Variants in CNOT6L observed in about 807,000 individuals in gnomAD.
CNOT6L encodes CCR4-NOT transcription complex subunit 6-like.
Under a neutral mutation model 64.0 loss-of-function variants are expected in CNOT6L, and 7 were observed. The observed-to-expected ratio is 0.11, with a 90% CI of 0.06 to 0.21. CNOT6L has a LOEUF of 0.21. CNOT6L is among the 10% of genes least tolerant of loss of function. The probability of loss-of-function intolerance (pLI) is 1.00; values close to 1 mark genes in which losing one functional copy is unlikely to be tolerated. For synonymous variants in CNOT6L, 193 were observed against 243.4 expected (o/e 0.79, Z 1.93); for missense variants, 245 against 669.0 (o/e 0.37, Z 6.99).
chr4:77,811,684 A>G (rs1439380604), intron 1 of CNOT6L, among the ~76,000 whole-genome samples: 2 of 152,050 alleles, frequency 1.3e-5, no homozygotes, highest in African/African-American at 2.4e-5. Context: ...TCTAATCCAC[A>G]TTTCACAATT....
At chr4:77,758,199 T>G (rs1725779915) in intron 4 of CNOT6L, among the ~76,000 whole-genome samples, 1 of 152,190 alleles carries the variant, frequency 6.6e-6, no homozygotes, top group South Asian at 2.1e-4. Flanking sequence ...TGCTGGCTAT[T>G]AAGGTGTATA....
intron 4 of CNOT6L, among the ~76,000 whole-genome samples, chr4:77,768,886 A>T (rs911743525): frequency 8.5e-5 from 13 of 152,138 alleles, no homozygotes; most frequent in African/African-American, 3.1e-4. Flanking sequence ...ACATTATGGT[A>T]TTGCCTAAAA....
At chr4:77,730,652 T>C (rs541608037) in intron 9 of CNOT6L, among the ~76,000 whole-genome samples, 4 of 152,162 alleles carry the variant, frequency 2.6e-5, no homozygotes, top group African/African-American at 4.8e-5. Flanking sequence ...AAGGAATAAA[T>C]TGAAGTATGG....
intron 1 of CNOT6L, among the ~76,000 whole-genome samples, chr4:77,812,267 A>G (rs1171692944): frequency 6.6e-6 from 1 of 151,652 alleles, no homozygotes; most frequent in African/African-American, 2.4e-5. Flanking sequence ...GTGAAACCCC[A>G]TCTCTACTAA....
At chr4:77,721,304 TAGC>T (rs1721251897) in intron 11 of CNOT6L, among the ~76,000 whole-genome samples, 1 of 152,208 alleles carries the variant, frequency 6.6e-6, no homozygotes, top group Non-Finnish European at 1.5e-5. Flanking sequence ...AAGCCATACA[TAGC>T]AGTTTTATCT....
At chr4:77,740,738 C>T (rs757298691) in intron 8 of CNOT6L, among the ~76,000 whole-genome samples, 6 of 152,124 alleles carry the variant, frequency 3.9e-5, no homozygotes, top group Non-Finnish European at 8.8e-5. Flanking sequence ...GACTACATGC[C>T]GATGGTAGTC....
intron 9 of CNOT6L, 69 bp downstream of exon 9, chr4:77,731,318 A>ACTTGTTT (rs1722424373): frequency 6.8e-7 from 1 of 1,470,794 alleles, no homozygotes; most frequent in Non-Finnish European, 9.3e-7. Context: ...AATTCTCTTC[A>ACTTGTTT]CTTGTTTTGA....
intron 4 of CNOT6L, among the ~76,000 whole-genome samples, chr4:77,767,375 C>CA (rs1025896299): frequency 2.0e-5 from 3 of 152,042 alleles, no homozygotes; most frequent in Non-Finnish European, 1.5e-5. Context: ...CCACGGTGCC[C>CA]AAATTGTCAA....
At chr4:77,794,573 G>C (rs951181296) in intron 1 of CNOT6L, among the ~76,000 whole-genome samples, 1 of 152,028 alleles carries the variant, frequency 6.6e-6, no homozygotes, top group Non-Finnish European at 1.5e-5. Context: ...AAATCCAATG[G>C]CCATTCCTAT....
At chr4:77,733,089 G>A (rs1722618425) in intron 8 of CNOT6L, among the ~76,000 whole-genome samples, 1 of 152,060 alleles carries the variant, frequency 6.6e-6, no homozygotes, top group Non-Finnish European at 1.5e-5. Flanking sequence ...ATTTTAAGCT[G>A]TGGAATACCT....
At chr4:77,777,732 A>C (rs1053355556) in intron 1 of CNOT6L, among the ~76,000 whole-genome samples, 2 of 152,202 alleles carry the variant, frequency 1.3e-5, no homozygotes, top group African/African-American at 4.8e-5. Context: ...TTTCCAAGTA[A>C]AGTTTAGAAC....
chr4:77,786,468 G>T (rs775810916), intron 1 of CNOT6L, among the ~76,000 whole-genome samples: 9 of 151,870 alleles, frequency 5.9e-5, no homozygotes, highest in Non-Finnish European at 1.0e-4. Context: ...GAAAATAAAA[G>T]TAAATTAAAA....
chr4:77,763,063 G>C (rs1726421196), intron 4 of CNOT6L, among the ~76,000 whole-genome samples: 1 of 151,992 alleles, frequency 6.6e-6, no homozygotes, highest in Non-Finnish European at 1.5e-5. Context: ...CAAACGAAGA[G>C]AAAGTAAATA....
chr4:77,819,078 CGG>C, intron 1 of CNOT6L: 2 of 288,480 alleles, frequency 6.9e-6, no homozygotes, highest in Non-Finnish European at 6.0e-6. Context: ...ACACACACCC[CGG>C]AACCTTCGCC....
chr4:77,791,771 C>G (rs1250670874), intron 1 of CNOT6L, among the ~76,000 whole-genome samples: 1 of 151,798 alleles, frequency 6.6e-6, no homozygotes, highest in Non-Finnish European at 1.5e-5. Context: ...CACTCACATA[C>G]CCATAATATT....
intron 9 of CNOT6L, among the ~76,000 whole-genome samples, chr4:77,729,859 A>G (rs1722249658): frequency 6.6e-6 from 1 of 152,028 alleles, no homozygotes; most frequent in African/African-American, 2.4e-5. Flanking sequence ...AAAATTAAAC[A>G]TAGTTAACAT....
intron 5 of CNOT6L, among the ~76,000 whole-genome samples, chr4:77,753,576 C>T (rs890041865): frequency 1.3e-5 from 2 of 152,008 alleles, no homozygotes; most frequent in Non-Finnish European, 2.9e-5. Context: ...GAGGCTGAAG[C>T]AGGAGAATCG....
At chr4:77,784,342 C>T (rs2110089544) in intron 1 of CNOT6L, among the ~76,000 whole-genome samples, 1 of 152,180 alleles carries the variant, frequency 6.6e-6, no homozygotes, top group South Asian at 2.1e-4. Flanking sequence ...CTACTATAGA[C>T]ATGTTTCATT....
chr4:77,812,886 A>C (rs1733117452), intron 1 of CNOT6L, among the ~76,000 whole-genome samples: 1 of 152,162 alleles, frequency 6.6e-6, no homozygotes, highest in Non-Finnish European at 1.5e-5. Flanking sequence ...AAAAGAAAAA[A>C]AGAGTTTTTC....
Sources: allele counts gnomAD v4.1 joint callset (sites outside exome capture counted in the v4.1 genomes callset), GRCh38; gene constraint gnomAD v4.1.1; transcripts MANE v1.5; gene names NCBI Gene and HGNC (gene_info 2026-07-23, HGNC 2026-07-21).